ATAD5: variants seen among roughly 807,000 people sequenced by gnomAD.
ATAD5 encodes ATPase family AAA domain-containing protein 5.
A neutral mutation model predicts 176.9 loss-of-function variants in ATAD5; 58 were observed. The ratio of observed to expected loss-of-function variants is 0.33; its 90% CI spans 0.27 to 0.41. ATAD5 has a LOEUF of 0.41. Among genes scored for constraint, ATAD5 ranks in the 10% least tolerant of loss-of-function variants. The pLI is 1.00. For missense variants in ATAD5, 1,789 were observed against 2,094.1 expected (o/e 0.85, Z 2.84); for synonymous variants, 640 against 712.6 (o/e 0.90, Z 1.62).
chr17:30,893,466 G>C lies in ATAD5; in HGVS notation c.4613G>C (p.Ser1538Thr). ...FCGPSVTVDASAATKSMNCLA... is the reference protein window; with the variant it reads ...FCGPSVTVDATAATKSMNCLA... Reference sequence around the variant, plus strand: ...GGCCCATCAGTAACTGTGGATGCCAGTGCAGCAACAAAAAGTATGAATTGT... The same window carrying C: ...GGCCCATCAGTAACTGTGGATGCCACTGCAGCAACAAAAAGTATGAATTGT... The change falls in exon 21 of 23, where the codon AGT becomes ACT. Residue 1538 changes from serine to threonine, a missense_variant. Ser to Thr is a moderately conservative substitution (Grantham distance 58). Transcript: ENST00000321990. 1 of 1,613,834 alleles carries C rather than the reference G, an allele frequency of 6.2e-7. No individual in the cohort carries two copies. Among genetic ancestry groups the C allele is most frequent in the Non-Finnish European group, 8.5e-7 (1 of 1,179,928 alleles).
At chr17:30,833,937 C>T (rs1905531932) in intron 1 of ATAD5, among the ~76,000 whole-genome samples, 1 of 152,174 alleles carries the variant, frequency 6.6e-6, no homozygotes, top group Non-Finnish European at 1.5e-5. Context: ...CCGCCTTGGC[C>T]TCCTGAAGTA....
chr17:30,888,839 G>A (rs1041737421), intron 19 of ATAD5, among the ~76,000 whole-genome samples: 2 of 151,832 alleles, frequency 1.3e-5, no homozygotes, highest in East Asian at 1.9e-4. Flanking sequence ...AGGCCGAGGC[G>A]GTTAGATCAT....
Position 30,834,183 on chromosome 17 carries a change from T to G in ATAD5, c.102T>G (p.Ser34=). ...CKKRKKDDDT[S]TCKTITKYLS... ...AGCGAAAGAAAGATGATGACACATC[T>G]ACCTGCAAAACAATTACAAAATATT... Residue 34 remains serine, a synonymous_variant, in exon 2 of 23, where the codon TCT becomes TCG. Transcript: ENST00000321990. 1 of 1,585,022 alleles carries G rather than the reference T, an allele frequency of 6.3e-7. No individual in the cohort carries two copies. Among genetic ancestry groups the G allele is most frequent in the Non-Finnish European group, 8.5e-7 (1 of 1,170,594 alleles).
intron 19 of ATAD5, among the ~76,000 whole-genome samples, chr17:30,892,242 T>C (rs1035028250): frequency 6.6e-6 from 1 of 151,480 alleles, no homozygotes; most frequent in African/African-American, 2.4e-5. Flanking sequence ...CTGGCCAACA[T>C]GGTGAAACCC....
rs1180678171 is a variant in ATAD5 at position 30,895,485 on chromosome 17, A to G, written c.*572A>G. 6.6e-6 allele frequency: 1 copy of G among 150,938 alleles called. No individual in the cohort carries two copies. The highest frequency in any genetic ancestry group is 1.5e-5 in the Non-Finnish European group (1 of 67,892). 9.3% of individuals were successfully genotyped at this position (150,938 alleles called of 1,614,324 possible). ...AGTGGCCTGGTATCGGCTCAGTGCA[A>G]CTTTTGCCTCCCGGGTTCAAGCGAT... is the stretch of plus-strand genomic sequence containing the variant. On this transcript the variant is annotated 3_prime_UTR_variant, in exon 23 of 23. Transcript: ENST00000321990.
chr17:30,837,224 T>A lies in ATAD5; in HGVS notation c.1986T>A (p.Ile662=). 1 of 1,551,286 alleles carries A rather than the reference T, an allele frequency of 6.4e-7. No homozygotes were observed. The highest frequency in any genetic ancestry group is 8.7e-7 in the Non-Finnish European group (1 of 1,145,072). Residue 662 remains isoleucine, a synonymous_variant, in exon 3 of 23, where the codon ATT becomes ATA. Coordinates refer to ENST00000321990, the MANE Select transcript of ATAD5 (RefSeq NM_024857.5). ...ESPIRMKFTR[I]STPKKSKKKS... The stretch of plus-strand genomic sequence containing the variant: ...ATTTCAGAATGAAATTCACCAGAAT[T>A]AGTACTCCCAAAAAATCTAAGAAAA...
chr17:30,879,565 AT>A (rs762005937), intron 18 of ATAD5, 78 bp downstream of exon 18: 92,390 of 1,013,972 alleles, frequency 0.091, 94 homozygotes, highest in East Asian at 0.1. Flanking sequence ...TACAGCTATA[AT>A]TTTTTTTTTT....
chr17:30,893,896 T>C lies in ATAD5; in HGVS notation c.5043T>C (p.Asn1681=), dbSNP rs763200410. 2 of 1,614,006 alleles carry C rather than the reference T, an allele frequency of 1.2e-6. No individual in the cohort carries two copies. Among genetic ancestry groups the C allele is most frequent in the Admixed American group, 1.7e-5 (1 of 60,022 alleles). ...GTAGAAATGACTTTAGTTGGACAAA[T>C]GGAAAGGTTACAAGTGGACTTTGTG... ...KYGRNDFSWT[N]GKVTSGLCDE... The change falls in exon 21 of 23, where the codon AAT becomes AAC. Residue 1681 remains asparagine, a synonymous_variant. Transcript: ENST00000321990.
chr17:30,838,078 A>G lies in ATAD5; in HGVS notation c.2076+764A>G, dbSNP rs559532694. On this transcript the variant is annotated intron_variant, in intron 3 of 22. Coordinates refer to ENST00000321990, the MANE Select transcript of ATAD5 (RefSeq NM_024857.5). Reference sequence around the variant, plus strand: ...ATCCATAAGATGCCAGTAGCACCCAACTAACTCCTGTATAATGACAACCAA... The same window carrying G: ...ATCCATAAGATGCCAGTAGCACCCAGCTAACTCCTGTATAATGACAACCAA... 1.4e-4 allele frequency among the ~76,000 whole-genome samples: 21 copies of G among 152,350 alleles called. No individual in the cohort carries two copies. The East Asian group carries it at 3.9e-3, about 28-fold the overall frequency.
intron 19 of ATAD5, among the ~76,000 whole-genome samples, chr17:30,891,411 G>A (rs916706215): frequency 6.6e-6 from 1 of 152,054 alleles, no homozygotes; most frequent in Non-Finnish European, 1.5e-5. Flanking sequence ...TCACTCAGTC[G>A]CCCAGGCCAG....
In ATAD5 at chr17:30,835,740, C is replaced by T; in HGVS notation, c.1659C>T (p.Ser553=). The T allele has an allele frequency of 6.2e-7, 1 of 1,613,038 alleles. No individual in the cohort carries two copies. Among genetic ancestry groups the T allele is most frequent in the Non-Finnish European group, 8.5e-7 (1 of 1,179,714 alleles). ...DIANDDLLKV[S]SLCNNNKLSR... is the part of the protein sequence containing the mutation. ...CAAATGATGACCTTCTAAAGGTTTC[C>T]TCTCTGTGTAACAATAATAAATTGT... The change falls in exon 2 of 23, where the codon TCC becomes TCT. Residue 553 remains serine (S), a synonymous_variant. Transcript: ENST00000321990.
chr17:30,879,340 A>G (rs1908872931), intron 17 of ATAD5, 83 bp from the exon 18 acceptor site: 2 of 1,498,956 alleles, frequency 1.3e-6, no homozygotes, highest in Admixed American at 3.7e-5. Flanking sequence ...GAATATTTTC[A>G]TAGAAAAGTA....
chr17:30,842,484 A>G (rs1906187440), intron 4 of ATAD5, among the ~76,000 whole-genome samples: 1 of 152,066 alleles, frequency 6.6e-6, no homozygotes, highest in African/African-American at 2.4e-5. Flanking sequence ...CCCTACATTC[A>G]GATGTAACAT....
intron 14 of ATAD5, among the ~76,000 whole-genome samples, chr17:30,872,361 G>A (rs9890366): frequency 0.027 from 4,084 of 152,084 alleles, 172 homozygotes; most frequent in African/African-American, 0.09. Context: ...ATGGGAAGAC[G>A]AATCATTCAC....
chr17:30,868,230 A>G, intron 11 of ATAD5, 103 bp from the exon 12 acceptor site: 1 of 938,226 alleles, frequency 1.1e-6, no homozygotes, highest in Non-Finnish European at 1.5e-6. Context: ...AGTGGCAGAG[A>G]AACTAACAAT....
intron 18 of ATAD5, among the ~76,000 whole-genome samples, chr17:30,881,908 GT>G (rs1372589239): frequency 6.9e-6 from 1 of 144,964 alleles, no homozygotes; most frequent in Non-Finnish European, 1.5e-5. Context: ...GCAAGACCCT[GT>G]CCCCCCCCCA....
rs1597982080 is a variant in ATAD5, at chr17:30,869,146, CAT to C, written c.3314-101_3314-100del. The C allele has an allele frequency of 6.0e-5, 82 of 1,356,654 alleles. 2 individuals are homozygous for C. The East Asian group carries it at 1.9e-3, about 31-fold the overall frequency. 84.0% of individuals were successfully genotyped at this position (1,356,654 alleles called of 1,614,324 possible). ...CGGCCTGTATAAAGTAATTTTTCAGCATCTATTGCAAGAAGTTTGTGGGATTT... is the reference window on the plus strand; with the variant it reads ...CGGCCTGTATAAAGTAATTTTTCAGCCTATTGCAAGAAGTTTGTGGGATTT... On this transcript the variant is annotated intron_variant, in intron 12 of 22. Transcript: ENST00000321990.
At chr17:30,870,817 T>C (rs1406360775) in intron 14 of ATAD5, among the ~76,000 whole-genome samples, 1 of 152,178 alleles carries the variant, frequency 6.6e-6, no homozygotes, top group African/African-American at 2.4e-5. Flanking sequence ...ATTATTTCTT[T>C]GTTGCTTTGG....
At chr17:30,847,787 TAG>T (rs1407843214) in intron 6 of ATAD5, among the ~76,000 whole-genome samples, 1 of 148,218 alleles carries the variant, frequency 6.7e-6, no homozygotes, top group Non-Finnish European at 1.5e-5. Context: ...TGGCACAGTC[TAG>T]GCTCACTGTA....
Sources: allele counts gnomAD v4.1 joint callset (sites outside exome capture counted in the v4.1 genomes callset), GRCh38; gene constraint gnomAD v4.1.1; transcripts MANE v1.5; gene names NCBI Gene and HGNC (gene_info 2026-07-23, HGNC 2026-07-21).